The following BNC2 variants were observed in gnomAD, a reference collection of about 807,000 sequenced individuals.
BNC2 encodes the protein basonuclin zinc finger protein 2, also known as zinc finger protein basonuclin-2.
BNC2 carries 20 observed loss-of-function variants against 76.3 expected under a neutral mutation model. The observed-to-expected ratio is 0.26, with a 90% CI of 0.18 to 0.38. The LOEUF (loss-of-function observed/expected upper bound fraction) is 0.38, where lower values mean the gene tolerates loss of function less well. BNC2 is among the 10% of genes least tolerant of loss of function. The pLI is 1.00. For missense variants in BNC2, 1,382 were observed against 1,399.8 expected (o/e 0.99, Z 0.20); for synonymous variants, 582 against 514.8 (o/e 1.13, Z -1.77).
At chr9:16,738,287 T>C in intron 2 of BNC2, 73 bp downstream of exon 2, 5 of 1,506,230 alleles carry the variant, frequency 3.3e-6, no homozygotes, top group Non-Finnish European at 4.6e-6. Context: ...GTGAGAGATA[T>C]ATCTTAACTA....
intron 5 of BNC2, among the ~76,000 whole-genome samples, chr9:16,510,112 G>A (rs981906602): frequency 1.3e-5 from 2 of 152,178 alleles, no homozygotes; most frequent in Admixed American, 6.5e-5. Context: ...ACATTGCCAC[G>A]GTCAGGGAGA....
intron 3 of BNC2, among the ~76,000 whole-genome samples, chr9:16,659,559 G>A (rs1321901639): frequency 6.9e-6 from 1 of 144,922 alleles, no homozygotes; most frequent in Non-Finnish European, 1.5e-5. Flanking sequence ...AGTTAGCCGA[G>A]ATTGCACCAC....
At chr9:16,499,344 A>G (rs919603940) in intron 5 of BNC2, among the ~76,000 whole-genome samples, 6 of 152,030 alleles carry the variant, frequency 3.9e-5, no homozygotes, top group African/African-American at 1.4e-4. Flanking sequence ...ATGTTTAGAA[A>G]TTAGTTTGTA....
intron 5 of BNC2, among the ~76,000 whole-genome samples, chr9:16,460,552 G>A (rs1821556417): frequency 6.6e-6 from 1 of 152,162 alleles, no homozygotes; most frequent in African/African-American, 2.4e-5. Context: ...GTACTCGGGA[G>A]GCAAAGGTGG....
chr9:16,647,935 T>C (rs929020537), intron 3 of BNC2, among the ~76,000 whole-genome samples: 1 of 152,102 alleles, frequency 6.6e-6, no homozygotes, highest in Non-Finnish European at 1.5e-5. Context: ...ATTTTATACA[T>C]TAACAAAAAT....
intron 5 of BNC2, among the ~76,000 whole-genome samples, chr9:16,446,266 T>A (rs1381186093): frequency 6.6e-6 from 1 of 152,090 alleles, no homozygotes; most frequent in Non-Finnish European, 1.5e-5. Context: ...AATGGTGATA[T>A]AATGAGGTGA....
chr9:16,556,766 C>CAA (rs397936765), intron 4 of BNC2, among the ~76,000 whole-genome samples: 11 of 127,304 alleles, frequency 8.6e-5, no homozygotes, highest in African/African-American at 1.7e-4. Flanking sequence ...GACTCTAACT[C>CAA]AAAAAAAAAA....
At chr9:16,829,790 T>TA (rs1349112311) in intron 1 of BNC2, among the ~76,000 whole-genome samples, 1 of 152,122 alleles carries the variant, frequency 6.6e-6, no homozygotes, top group Non-Finnish European at 1.5e-5. Context: ...AGGGATTACT[T>TA]AAAAAAATAA....
chr9:16,810,832 A>G (rs966360754), intron 1 of BNC2, among the ~76,000 whole-genome samples: 2 of 152,274 alleles, frequency 1.3e-5, no homozygotes, highest in Admixed American at 1.3e-4. Context: ...CAGTTGCTAG[A>G]TCATCCTTCT....
intron 3 of BNC2, among the ~76,000 whole-genome samples, chr9:16,671,584 T>C (rs1363943561): frequency 6.6e-6 from 1 of 152,186 alleles, no homozygotes; most frequent in Non-Finnish European, 1.5e-5. Flanking sequence ...TCTGGTCCTA[T>C]GCATCACTTC....
At chr9:16,594,231 A>G (rs1820006426) in intron 3 of BNC2, among the ~76,000 whole-genome samples, 1 of 152,182 alleles carries the variant, frequency 6.6e-6, no homozygotes, top group Non-Finnish European at 1.5e-5. Flanking sequence ...TCCTAGAAAG[A>G]ACAATCGATT....
intron 5 of BNC2, among the ~76,000 whole-genome samples, chr9:16,492,150 C>CCTTAAAAAAAAAACAAAAACAAT (rs1231428835): frequency 6.7e-6 from 1 of 150,114 alleles, no homozygotes; most frequent in African/African-American, 2.5e-5. Flanking sequence ...TTTTCCCCAC[C>CCTTAAAAAAAAAACAAAAACAAT]CTTAAAAAAA....
At chr9:16,662,543 CT>C (rs1822139744) in intron 3 of BNC2, among the ~76,000 whole-genome samples, 1 of 152,206 alleles carries the variant, frequency 6.6e-6, no homozygotes, top group East Asian at 1.9e-4. Context: ...CAAGGCCAGC[CT>C]GGCCAATATG....
chr9:16,552,829 A>AG (rs1818708086), intron 4 of BNC2, 64 bp from the exon 5 acceptor site: 5 of 1,347,348 alleles, frequency 3.7e-6, no homozygotes, highest in Non-Finnish European at 5.3e-6. Flanking sequence ...GAGAGAGAAC[A>AG]GGAGTTAGAA....
rs556079023 is a variant in BNC2, at chr9:16,573,616, G to A, written c.433+9367C>T. ...ATGGGTTTGCATTTAAATTTGTAGC[G>A]TCACTTGACTGTACAGAAGGCAAAG... is the stretch of plus-strand genomic sequence containing the variant. On this transcript the variant is annotated intron_variant, in intron 4 of 6. Coordinates refer to ENST00000380672, the MANE Select transcript of BNC2 (RefSeq NM_017637.6). Among the ~76,000 whole-genome samples the A allele has an allele frequency of 1.2e-4, 18 of 152,220 alleles. No individual in the cohort carries two copies. In the South Asian group the frequency reaches 2.7e-3, roughly 23 times the overall value.
intron 3 of BNC2, among the ~76,000 whole-genome samples, chr9:16,671,492 A>G (rs932994428): frequency 1.3e-5 from 2 of 152,154 alleles, no homozygotes; most frequent in African/African-American, 4.8e-5. Flanking sequence ...CAGTGCCTTT[A>G]CCCCAACATC....
At chr9:16,678,999 C>T (rs1822743625) in intron 3 of BNC2, among the ~76,000 whole-genome samples, 1 of 152,088 alleles carries the variant, frequency 6.6e-6, no homozygotes, top group South Asian at 2.1e-4. Context: ...CATGGATGGG[C>T]CCAAAGTGTC....
At chr9:16,754,861 G>A (rs1825334501) in intron 1 of BNC2, among the ~76,000 whole-genome samples, 1 of 152,216 alleles carries the variant, frequency 6.6e-6, no homozygotes, top group African/African-American at 2.4e-5. Context: ...CCCGGCCCCA[G>A]CCATCTTGTT....
chr9:16,832,249 G>C (rs767874591), intron 1 of BNC2: 2 of 1,274,054 alleles, frequency 1.6e-6, no homozygotes, highest in African/African-American at 3.1e-5. Context: ...AATACCAGTA[G>C]AAGAGAAAAT....
Sources: gnomAD v4.1 joint callset for allele counts (sites outside exome capture counted in the v4.1 genomes callset) on GRCh38, gnomAD v4.1.1 for gene constraint, MANE v1.5 for transcripts, NCBI Gene and HGNC (gene_info 2026-07-23, HGNC 2026-07-21) for gene names.